Variants in GTF2IRD1 observed in about 807,000 individuals in gnomAD.
GTF2IRD1 encodes general transcription factor II-I repeat domain-containing protein 1.
GTF2IRD1 carries 26 observed loss-of-function variants against 113.2 expected under a neutral mutation model. That is an observed-to-expected ratio of 0.23 (90% CI 0.17 to 0.32). The LOEUF (loss-of-function observed/expected upper bound fraction) is 0.32, where lower values mean the gene tolerates loss of function less well. Ranked by LOEUF, GTF2IRD1 falls within the 10% of genes least tolerant of loss-of-function variation. The pLI is 1.00. For synonymous variants in GTF2IRD1, 484 were observed against 529.1 expected (o/e 0.91, Z 1.17); for missense variants, 864 against 1,280.8 (o/e 0.67, Z 4.97).
intron 9 of GTF2IRD1, among the ~76,000 whole-genome samples, chr7:74,533,653 T>G (rs1798107655): frequency 6.6e-6 from 1 of 152,100 alleles, no homozygotes; most frequent in African/African-American, 2.4e-5. Context: ...CTGCTCTCTC[T>G]CCTGCAAAGT....
intron 5 of GTF2IRD1, 80 bp from the exon 6 acceptor site, chr7:74,519,329 G>A: frequency 1.0e-6 from 1 of 956,390 alleles, no homozygotes; most frequent in Non-Finnish European, 1.5e-6. Flanking sequence ...AGAGGGCAGG[G>A]ATGCGGGGTT....
intron 22 of GTF2IRD1, among the ~76,000 whole-genome samples, chr7:74,560,073 G>A (rs1313270102): frequency 6.6e-6 from 1 of 152,190 alleles, no homozygotes; most frequent in Non-Finnish European, 1.5e-5. Context: ...GAGCCACTGC[G>A]CCCGGCCTAG....
intron 22 of GTF2IRD1, among the ~76,000 whole-genome samples, chr7:74,559,968 C>T (rs782553499): frequency 2.6e-5 from 4 of 152,088 alleles, no homozygotes; most frequent in Non-Finnish European, 5.9e-5. Flanking sequence ...TTGGTAGAGA[C>T]GGGGTTTCAC....
chr7:74,457,700 C>T (rs78586564), intron 1 of GTF2IRD1, among the ~76,000 whole-genome samples: 1,560 of 152,094 alleles, frequency 0.01, 23 homozygotes, highest in African/African-American at 0.034. Flanking sequence ...CTCTCAGATG[C>T]GTGGCAGCCA....
At position 74,515,603 on chromosome 7, in the gene GTF2IRD1, T is replaced by A; in HGVS notation, c.421+7T>A. 6.2e-7 allele frequency: 1 copy of A among 1,601,114 alleles called. No homozygotes were observed. The highest frequency in any genetic ancestry group is 1.3e-5 in the African/African-American group (1 of 74,772). ...GTGTTTGATGTTCTTTATAGTAAGA[T>A]CCTTCCTCATTCCATTTGGGGGCCC... On this transcript the variant is annotated splice_region_variant and intron_variant, in intron 4 of 26. Coordinates refer to ENST00000424337, the MANE Select transcript of GTF2IRD1 (RefSeq NM_005685.4).
chr7:74,539,749 A>C, intron 13 of GTF2IRD1, 130 bp from the exon 14 acceptor site: 1 of 196,756 alleles, frequency 5.1e-6, no homozygotes, highest in Non-Finnish European at 1.0e-5. Context: ...ATCTCAAACC[A>C]AAAAAAAAAA....
intron 22 of GTF2IRD1, among the ~76,000 whole-genome samples, chr7:74,581,920 T>C (rs1445044999): frequency 1.3e-5 from 2 of 152,124 alleles, no homozygotes; most frequent in Non-Finnish European, 2.9e-5. Context: ...GGATGGAGGA[T>C]GGCTTCAGCT....
At chr7:74,477,460 C>G (rs552149377) in intron 1 of GTF2IRD1, among the ~76,000 whole-genome samples, 1 of 147,330 alleles carries the variant, frequency 6.8e-6, no homozygotes, top group African/African-American at 2.5e-5. Flanking sequence ...ATAATGAATG[C>G]TTTGGAGTAG....
chr7:74,503,693 G>A (rs1584539524), intron 1 of GTF2IRD1, among the ~76,000 whole-genome samples: 1 of 148,472 alleles, frequency 6.7e-6, no homozygotes, highest in Admixed American at 6.7e-5. Flanking sequence ...AGGCCGCAGT[G>A]AGCCGAGATC....
At chr7:74,538,006 G>A (rs1798402920) in intron 11 of GTF2IRD1, 130 bp from the exon 12 acceptor site, 3 of 783,852 alleles carry the variant, frequency 3.8e-6, no homozygotes, top group Non-Finnish European at 4.5e-6. Flanking sequence ...GGAGGGCCAG[G>A]GGCCGATGGG....
chr7:74,559,778 C>T, intron 22 of GTF2IRD1, 123 bp downstream of exon 22: 1 of 747,510 alleles, frequency 1.3e-6, no homozygotes, highest in Non-Finnish European at 2.0e-6. Context: ...CAGGCCCCTG[C>T]CTTTCTTTTT....
At chr7:74,539,509 C>T (rs1287209642) in intron 13 of GTF2IRD1, among the ~76,000 whole-genome samples, 9 of 151,810 alleles carry the variant, frequency 5.9e-5, no homozygotes. Context: ...TTTGGGAGGC[C>T]GAGGCGGGCA....
At chr7:74,594,975 C>T (rs1802318232) in intron 24 of GTF2IRD1, 39 bp from the exon 25 acceptor site, 17 of 1,519,874 alleles carry the variant, frequency 1.1e-5, no homozygotes, top group Non-Finnish European at 1.5e-5. Context: ...AGGGGAAAAC[C>T]TCATTTTCTA....
intron 20 of GTF2IRD1, 91 bp downstream of exon 20, chr7:74,557,813 G>A (rs1239314675): frequency 7.8e-6 from 6 of 765,666 alleles, no homozygotes; most frequent in African/African-American, 1.7e-5. Context: ...GGCATTTCTG[G>A]GGAAACAATT....
In GTF2IRD1 at chr7:74,597,864, A is replaced by C. The variant is rs1391976760; in HGVS notation, c.2629+2813A>C. 4.6e-5 allele frequency among the ~76,000 whole-genome samples: 7 copies of C among 152,106 alleles called. 1 individual carries two copies. The South Asian group carries it at 6.2e-4, about 14-fold the overall frequency. On this transcript the variant is annotated intron_variant, in intron 25 of 26. Transcript: ENST00000424337. ...GCCACACGGCCCAGTATGGCTGCTC[A>C]ACAGGGACAGTGATAGGATTCAGCA...
At chr7:74,537,947 CAA>C (rs1202928065) in intron 11 of GTF2IRD1, among the ~76,000 whole-genome samples, 187 bp from the exon 12 acceptor site, 4 of 152,228 alleles carry the variant, frequency 2.6e-5, no homozygotes, top group Non-Finnish European at 4.4e-5. Flanking sequence ...TCCCTGGAGA[CAA>C]GACACGGGGA....
chr7:74,602,460 T>C lies in GTF2IRD1; in HGVS notation c.*27T>C. Reference sequence around the variant, plus strand: ...CCTCAGTACTGAATCAGGACCTCACTCAGAAAGACTAAAGGAAATGTAATT... The same window carrying C: ...CCTCAGTACTGAATCAGGACCTCACCCAGAAAGACTAAAGGAAATGTAATT... On this transcript the variant is annotated 3_prime_UTR_variant, in exon 27 of 27. Coordinates refer to ENST00000424337, the MANE Select transcript of GTF2IRD1 (RefSeq NM_005685.4). The C allele has an allele frequency of 6.3e-7, 1 of 1,581,492 alleles. No individual in the cohort carries two copies. Among genetic ancestry groups the C allele is most frequent in the Non-Finnish European group, 8.7e-7 (1 of 1,152,796 alleles).
intron 24 of GTF2IRD1, among the ~76,000 whole-genome samples, chr7:74,591,264 C>G (rs1802044733): frequency 6.6e-6 from 1 of 151,162 alleles, no homozygotes; most frequent in Non-Finnish European, 1.5e-5. Context: ...TTGACTTTTT[C>G]TGACTATACA....
intron 1 of GTF2IRD1, among the ~76,000 whole-genome samples, chr7:74,478,408 T>C (rs1794550986): frequency 6.6e-6 from 1 of 152,216 alleles, no homozygotes; most frequent in African/African-American, 2.4e-5. Flanking sequence ...GCAGTAGAAT[T>C]ACCATCACCC....
Sources: allele counts gnomAD v4.1 joint callset (sites outside exome capture counted in the v4.1 genomes callset), GRCh38; gene constraint gnomAD v4.1.1; transcripts MANE v1.5; gene names NCBI Gene and HGNC (gene_info 2026-07-23, HGNC 2026-07-21).